PDE4D: variants seen among roughly 807,000 people sequenced by gnomAD.
PDE4D encodes the protein phosphodiesterase 4D, also known as 3',5'-cyclic-AMP phosphodiesterase 4D.
A neutral mutation model predicts 87.4 loss-of-function variants in PDE4D; 24 were observed. The ratio of observed to expected loss-of-function variants is 0.27; its 90% CI spans 0.20 to 0.39. The LOEUF (loss-of-function observed/expected upper bound fraction) is 0.39, where lower values mean the gene tolerates loss of function less well. PDE4D is among the 10% of genes least tolerant of loss of function. The probability of loss-of-function intolerance (pLI) is 1.00; values close to 1 mark genes in which losing one functional copy is unlikely to be tolerated. For synonymous variants in PDE4D, 384 were observed against 383.2 expected (o/e 1.00, Z -0.02); for missense variants, 714 against 1,041.0 (o/e 0.69, Z 4.32).
chr5:59,809,487 T>G (rs1768100117), intron 1 of PDE4D, among the ~76,000 whole-genome samples: 1 of 152,188 alleles, frequency 6.6e-6, no homozygotes. Context: ...AGTACTAGAA[T>G]AAATCATACC....
intron 1 of PDE4D, among the ~76,000 whole-genome samples, chr5:59,862,017 C>T (rs568307936): frequency 6.6e-6 from 1 of 152,272 alleles, no homozygotes; most frequent in African/African-American, 2.4e-5. Context: ...TGCTTGTCCT[C>T]CTGTGCCAGT....
intron 2 of PDE4D, among the ~76,000 whole-genome samples, chr5:60,169,300 T>A (rs577277497): frequency 6.6e-6 from 1 of 152,168 alleles, no homozygotes; most frequent in East Asian, 1.9e-4. Flanking sequence ...AAGGAAACAT[T>A]AAAGAAAAAG....
intron 2 of PDE4D, among the ~76,000 whole-genome samples, chr5:59,194,007 T>C (rs887189370): frequency 1.3e-5 from 2 of 152,214 alleles, no homozygotes; most frequent in South Asian, 2.1e-4. Flanking sequence ...CTAGGAACTG[T>C]AGATGACATG....
chr5:60,346,182 T>C (rs1230052205), intron 1 of PDE4D, among the ~76,000 whole-genome samples: 7 of 152,180 alleles, frequency 4.6e-5, no homozygotes, highest in Non-Finnish European at 8.8e-5. Flanking sequence ...TTCACAAGGA[T>C]TATGGTAATG....
intron 1 of PDE4D, among the ~76,000 whole-genome samples, chr5:59,249,811 T>C (rs1759562195): frequency 6.6e-6 from 1 of 152,076 alleles, no homozygotes; most frequent in Admixed American, 6.6e-5. Context: ...GAAATTTATA[T>C]TTGTATTTTT....
chr5:59,784,454 A>G (rs1181824866), intron 1 of PDE4D, among the ~76,000 whole-genome samples: 4 of 152,198 alleles, frequency 2.6e-5, no homozygotes, highest in Non-Finnish European at 5.9e-5. Context: ...AATGAAGGGC[A>G]TGGTGTGGAA....
intron 5 of PDE4D, among the ~76,000 whole-genome samples, chr5:59,101,850 A>T (rs143733754): frequency 6.6e-6 from 1 of 152,142 alleles, no homozygotes; most frequent in Non-Finnish European, 1.5e-5. Context: ...ATTAGACGAC[A>T]AAGTCAGCCA....
At chr5:60,030,997 T>C (rs1767181174) in intron 2 of PDE4D, 1 of 152,230 alleles carries the variant, frequency 6.6e-6, no homozygotes, top group Admixed American at 6.5e-5. Flanking sequence ...ACCTTCATGT[T>C]ATTTTAATTC....
At chr5:60,062,060 A>G (rs1771470659) in intron 2 of PDE4D, among the ~76,000 whole-genome samples, 1 of 152,226 alleles carries the variant, frequency 6.6e-6, no homozygotes, top group African/African-American at 2.4e-5. Flanking sequence ...GCTAAAATTG[A>G]CAAATGGGAT....
At chr5:59,854,929 C>T (rs528584901) in intron 1 of PDE4D, among the ~76,000 whole-genome samples, 4 of 152,146 alleles carry the variant, frequency 2.6e-5, no homozygotes, top group East Asian at 1.9e-4. Context: ...ATTTAATTCT[C>T]GACTAGACTT....
At chr5:59,590,497 A>C (rs1028303916) in intron 1 of PDE4D, among the ~76,000 whole-genome samples, 1 of 152,016 alleles carries the variant, frequency 6.6e-6, no homozygotes, top group Non-Finnish European at 1.5e-5. Context: ...GGAAACATAG[A>C]CTCTGTCTCT....
At chr5:60,260,798 C>A (rs1240595801) in intron 1 of PDE4D, among the ~76,000 whole-genome samples, 1 of 152,028 alleles carries the variant, frequency 6.6e-6, no homozygotes, top group East Asian at 1.9e-4. Flanking sequence ...CCTAAGGGAC[C>A]ATGTGTCTTC....
chr5:59,961,112 A>G (rs1759418862), intron 3 of PDE4D, among the ~76,000 whole-genome samples: 1 of 152,160 alleles, frequency 6.6e-6, no homozygotes, highest in Non-Finnish European at 1.5e-5. Context: ...ACTGTGGTCC[A>G]CAAAAGATAA....
intron 5 of PDE4D, among the ~76,000 whole-genome samples, chr5:59,061,386 T>C (rs1221964572): frequency 6.6e-6 from 1 of 152,140 alleles, no homozygotes; most frequent in Non-Finnish European, 1.5e-5. Flanking sequence ...ACTATCTTAT[T>C]TATTACCAAA....
intron 1 of PDE4D, among the ~76,000 whole-genome samples, chr5:59,796,392 G>A (rs1331722924): frequency 1.3e-5 from 2 of 152,236 alleles, no homozygotes; most frequent in Admixed American, 6.5e-5. Context: ...TAACTGGGGA[G>A]TGCAGTGCTA....
chr5:59,859,092 A>C (rs139448069), intron 1 of PDE4D, among the ~76,000 whole-genome samples: 126 of 152,360 alleles, frequency 8.3e-4, no homozygotes, highest in African/African-American at 2.8e-3. Context: ...ATTGATAGCC[A>C]TTATAATCTT....
chr5:60,142,872 T>G (rs1230117629), intron 2 of PDE4D, among the ~76,000 whole-genome samples: 1 of 152,166 alleles, frequency 6.6e-6, no homozygotes, highest in Non-Finnish European at 1.5e-5. Context: ...ACAGGGAGTT[T>G]GATTTAGGAT....
At chr5:59,679,979 T>C (rs551648379) in intron 1 of PDE4D, among the ~76,000 whole-genome samples, 20 of 152,262 alleles carry the variant, frequency 1.3e-4, no homozygotes, top group South Asian at 2.1e-4. Flanking sequence ...GCTATTAATA[T>C]TTTAAGACCT....
chr5:59,767,106 T>A (rs973847953), intron 1 of PDE4D, among the ~76,000 whole-genome samples: 13 of 152,132 alleles, frequency 8.5e-5, no homozygotes, highest in Non-Finnish European at 1.6e-4. Flanking sequence ...AGGTTTTAAT[T>A]CCTTTTACTT....
Sources: allele counts gnomAD v4.1 joint callset (sites outside exome capture counted in the v4.1 genomes callset), GRCh38; gene constraint gnomAD v4.1.1; transcripts MANE v1.5; gene names NCBI Gene and HGNC (gene_info 2026-07-23, HGNC 2026-07-21).